PTPRN2: variants seen among roughly 807,000 people sequenced by gnomAD.
The protein encoded by PTPRN2 is protein tyrosine phosphatase receptor type N2.
PTPRN2 carries 74 observed loss-of-function variants against 118.8 expected under a neutral mutation model. The observed-to-expected ratio is 0.62, with a 90% CI of 0.52 to 0.76. PTPRN2 has a LOEUF of 0.76. Among genes scored for constraint, PTPRN2 ranks in the 30% least tolerant of loss-of-function variants. The pLI, the probability that PTPRN2 is intolerant of heterozygous loss-of-function variation, is 0.00. For missense variants in PTPRN2, 1,481 were observed against 1,394.4 expected (o/e 1.06, Z -0.99); for synonymous variants, 641 against 608.0 (o/e 1.05, Z -0.80).
At chr7:157,938,918 G>C (rs1799883870) in intron 11 of PTPRN2, among the ~76,000 whole-genome samples, 1 of 152,216 alleles carries the variant, frequency 6.6e-6, no homozygotes, top group Non-Finnish European at 1.5e-5. Context: ...AGTAAGGAGT[G>C]GGGCTCTTTG....
At position 158,364,033 on chromosome 7, in the gene PTPRN2, G is replaced by A. The variant is rs115037759; in HGVS notation, c.164-47101C>T. 6.9e-3 allele frequency among the ~76,000 whole-genome samples: 1,047 copies of A among 152,270 alleles called. 9 individuals are homozygous for A. The highest frequency in any genetic ancestry group is 0.024 in the African/African-American group (987 of 41,538). The stretch of plus-strand genomic sequence containing the variant: ...TGTTTCATTCTTCTCTTTGAAAGGC[G>A]AACGATGAGGCAGTCAGTGACCTTC... On this transcript the variant is annotated intron_variant, in intron 2 of 22. Transcript: ENST00000389418.
intron 12 of PTPRN2, among the ~76,000 whole-genome samples, chr7:157,820,221 A>G (rs758462875): frequency 2.4e-4 from 37 of 151,050 alleles, no homozygotes; most frequent in Non-Finnish European, 4.6e-4. Flanking sequence ...CCACACAGTC[A>G]CACACCAACA....
intron 2 of PTPRN2, among the ~76,000 whole-genome samples, chr7:158,362,728 C>G (rs1161229562): frequency 6.6e-6 from 1 of 152,114 alleles, no homozygotes; most frequent in Non-Finnish European, 1.5e-5. Context: ...GGTGAAAATG[C>G]AGAGAATCAG....
At chr7:157,643,969 G>A (rs1178452216) in intron 14 of PTPRN2, among the ~76,000 whole-genome samples, 1 of 152,192 alleles carries the variant, frequency 6.6e-6, no homozygotes, top group East Asian at 1.9e-4. Context: ...CTTCCCCCGT[G>A]GGACTGTGGC....
chr7:158,329,236 G>A (rs1262639306), intron 2 of PTPRN2, among the ~76,000 whole-genome samples: 5 of 152,212 alleles, frequency 3.3e-5, no homozygotes, highest in Non-Finnish European at 4.4e-5. Context: ...CTTCTGGGAG[G>A]TGAGGAGCAG....
In PTPRN2 at chr7:157,808,227, G is replaced by A. The variant is rs912204726; in HGVS notation, c.1788+90446C>T. On this transcript the variant is annotated intron_variant, in intron 12 of 22. Transcript: ENST00000389418. This position sits in a 1 kb window ranked among gnomAD's most constrained non-coding sequence, Gnocchi z 5.0. ...TGAGTGGCCGGTGAGTGGTGGGTGAGTGAGCAGGTGAGTGGCAGGTAGGTG... is the reference window on the plus strand; with the variant it reads ...TGAGTGGCCGGTGAGTGGTGGGTGAATGAGCAGGTGAGTGGCAGGTAGGTG... 6.6e-6 allele frequency among the ~76,000 whole-genome samples: 1 copy of A among 150,612 alleles called. No individual in the cohort carries two copies. The highest frequency in any genetic ancestry group is 2.5e-5 in the African/African-American group (1 of 40,072).
At position 157,603,615 on chromosome 7, in the gene PTPRN2, A is replaced by G. The variant is rs1402476950; in HGVS notation, c.2418+387T>C. On this transcript the variant is annotated intron_variant, in intron 16 of 22. Transcript: ENST00000389418. The surrounding 1 kb of genome is among the most constrained non-coding windows in gnomAD (Gnocchi z 5.4). Reference sequence around the variant, plus strand: ...CTCCAAGCCACTGATTGTTACAAAAAGCGTAGACTGAGGCCTCATGTCCCC... The same window carrying G: ...CTCCAAGCCACTGATTGTTACAAAAGGCGTAGACTGAGGCCTCATGTCCCC... 1.3e-5 allele frequency among the ~76,000 whole-genome samples: 2 copies of G among 152,232 alleles called. No homozygotes were observed. The highest frequency in any genetic ancestry group is 4.1e-4 in the South Asian group (2 of 4,834).
intron 12 of PTPRN2, among the ~76,000 whole-genome samples, chr7:157,714,197 T>C (rs1798790436): frequency 6.6e-6 from 1 of 152,160 alleles, no homozygotes; most frequent in African/African-American, 2.4e-5. Flanking sequence ...TTAAAACACA[T>C]AAAAAACAAT....
chr7:158,379,407 G>A (rs1352647219), intron 2 of PTPRN2, among the ~76,000 whole-genome samples: 1 of 152,144 alleles, frequency 6.6e-6, no homozygotes, highest in Non-Finnish European at 1.5e-5. Flanking sequence ...GGGAGGGAAG[G>A]AAGGGTGGGA....
At position 158,555,654 on chromosome 7, in the gene PTPRN2, C is replaced by T. The variant is rs1023847527; in HGVS notation, c.112+31904G>A. 1.1e-4 allele frequency among the ~76,000 whole-genome samples: 17 copies of T among 152,300 alleles called. No individual in the cohort carries two copies. Among genetic ancestry groups the T allele is most frequent in the Middle Eastern group, 3.4e-3 (1 of 294 alleles). ...ATGGCAGGGTTAGGGGCACAAGCAC[C>T]GCCCGTCAACCCTTCACAGAAGCTG... On this transcript the variant is annotated intron_variant, in intron 1 of 22. Coordinates refer to ENST00000389418, the MANE Select transcript of PTPRN2 (RefSeq NM_002847.5). This position sits in a 1 kb window ranked among gnomAD's most constrained non-coding sequence, Gnocchi z 4.7.
intron 2 of PTPRN2, among the ~76,000 whole-genome samples, chr7:158,332,812 C>A (rs1294975809): frequency 6.8e-6 from 1 of 147,458 alleles, no homozygotes; most frequent in Admixed American, 6.8e-5. Flanking sequence ...ACGTCACTCA[C>A]GTACACACTT....
At chr7:157,621,181 A>AG (rs1295051788) in intron 15 of PTPRN2, among the ~76,000 whole-genome samples, 181 bp downstream of exon 15, 11,426 of 75,010 alleles carry the variant, frequency 0.15, 1,147 homozygotes, top group Non-Finnish European at 0.2. Flanking sequence ...CAGCACGGCT[A>AG]GTTTCCACTG....
chr7:158,329,597 C>A (rs1436626346), intron 2 of PTPRN2, among the ~76,000 whole-genome samples: 3 of 152,224 alleles, frequency 2.0e-5, no homozygotes, highest in African/African-American at 7.2e-5. Flanking sequence ...AGGGCGGTGA[C>A]CTTGGCTTCC....
chr7:158,064,765 C>G (rs2128909825), intron 11 of PTPRN2, among the ~76,000 whole-genome samples: 1 of 152,270 alleles, frequency 6.6e-6, no homozygotes, highest in East Asian at 1.9e-4. Flanking sequence ...GTCACCCTCC[C>G]CGCAACAGAA....
intron 2 of PTPRN2, among the ~76,000 whole-genome samples, chr7:158,401,478 C>T (rs1452974910): frequency 6.6e-6 from 1 of 151,890 alleles, no homozygotes; most frequent in Admixed American, 6.6e-5. Context: ...GGTGCCAAGA[C>T]ACGATGGACC....
chr7:157,722,503 G>C (rs1159176394), intron 12 of PTPRN2, among the ~76,000 whole-genome samples: 1 of 152,232 alleles, frequency 6.6e-6, no homozygotes, highest in Non-Finnish European at 1.5e-5. Flanking sequence ...CAGACGAGCA[G>C]TGAATGAAGA....
intron 2 of PTPRN2, among the ~76,000 whole-genome samples, chr7:158,338,281 A>G (rs1806078505): frequency 1.4e-5 from 1 of 73,278 alleles, no homozygotes; most frequent in Non-Finnish European, 2.7e-5. Context: ...ATAAGCGCTG[A>G]CACCTGCTGA....
chr7:158,052,419 G>T (rs1585278767), intron 11 of PTPRN2, among the ~76,000 whole-genome samples: 1 of 152,242 alleles, frequency 6.6e-6, no homozygotes. Context: ...ATTGGGGGAA[G>T]TTCTTAAAAT....
At chr7:158,329,915 G>C (rs372877485) in intron 2 of PTPRN2, among the ~76,000 whole-genome samples, 1 of 152,012 alleles carries the variant, frequency 6.6e-6, no homozygotes, top group African/African-American at 2.4e-5. Context: ...GGAGTGACTG[G>C]CAGAGTGTCC....
Sources: gnomAD v4.1 joint callset for allele counts (sites outside exome capture counted in the v4.1 genomes callset) on GRCh38, gnomAD v4.1.1 for gene constraint, Gnocchi (gnomAD v3.1) non-coding constraint, MANE v1.5 for transcripts, NCBI Gene and HGNC (gene_info 2026-07-23, HGNC 2026-07-21) for gene names.